The following BRCA1 variants were observed in gnomAD, a reference collection of about 807,000 sequenced individuals.
The protein encoded by BRCA1 is breast cancer type 1 susceptibility protein.
BRCA1 carries 140 observed loss-of-function variants against 173.7 expected under a neutral mutation model. The observed-to-expected ratio is 0.81, with a 90% CI of 0.70 to 0.93. BRCA1 has a LOEUF of 0.93. Ranked by LOEUF, BRCA1 falls within the 40% of genes least tolerant of loss-of-function variation. The probability of loss-of-function intolerance (pLI) is 0.00; values close to 1 mark genes in which losing one functional copy is unlikely to be tolerated. For missense variants in BRCA1, 1,983 were observed against 2,172.5 expected (o/e 0.91, Z 1.73); for synonymous variants, 662 against 756.0 (o/e 0.88, Z 2.04).
At position 43,067,321 on chromosome 17, in the gene BRCA1, C is replaced by T. The variant is rs200571203; in HGVS notation, c.5074+287G>A. The stretch of plus-strand genomic sequence containing the variant: ...CCAGGCTGGAATGCAGTGGCATGAT[C>T]TCGGCTCACTGCAACCTCCATCTCC... On this transcript the variant is annotated intron_variant, in intron 16 of 22. Transcript: ENST00000357654. 1.3e-4 allele frequency: 36 copies of T among 270,628 alleles called. No homozygotes were observed. The East Asian group carries it at 3.4e-3, about 26-fold the overall frequency. The allele number at this position is 270,628 out of a possible 1,614,324, so 16.8% of individuals were successfully genotyped here. A position where few individuals can be genotyped will look rare whatever the true frequency, so the allele number is the denominator to read the frequency against.
intron 1 of BRCA1, among the ~76,000 whole-genome samples, chr17:43,139,374 T>C (rs2056056928): frequency 6.6e-6 from 1 of 152,042 alleles, no homozygotes; most frequent in African/African-American, 2.4e-5. Context: ...TTTTTCTTTT[T>C]TTTTTTTGAG....
chr17:43,064,058 T>C lies in BRCA1; in HGVS notation c.5075-107A>G, dbSNP rs560197308. 241 of 891,258 alleles carry C rather than the reference T, an allele frequency of 2.7e-4. 1 individual carries two copies. The highest frequency in any genetic ancestry group is 1.1e-3 in the Middle Eastern group (5 of 4,626). The allele number at this position is 891,258 out of a possible 1,614,324, so 55.2% of individuals were successfully genotyped here. A position where few individuals can be genotyped will look rare whatever the true frequency, so the allele number is the denominator to read the frequency against. On this transcript the variant is annotated intron_variant, in intron 16 of 22. Transcript: ENST00000357654. ...GTTTTTTACACTCCCAAGATCAATCTGGATTTATGATTCTAAAACCCCTGG... is the reference window on the plus strand; with the variant it reads ...GTTTTTTACACTCCCAAGATCAATCCGGATTTATGATTCTAAAACCCCTGG...
intron 1 of BRCA1, among the ~76,000 whole-genome samples, chr17:43,145,421 G>T (rs1197155262): frequency 6.6e-6 from 1 of 151,276 alleles, no homozygotes; most frequent in Non-Finnish European, 1.5e-5. Flanking sequence ...CCGCCTCCCG[G>T]GTTCACGCCA....
At chr17:43,138,939 G>A (rs1456913441) in intron 1 of BRCA1, 6 of 778,732 alleles carry the variant, frequency 7.7e-6, no homozygotes, top group Non-Finnish European at 1.4e-5. Context: ...TAGCCTGAAA[G>A]CCAGTGGTAC....
At chr17:43,126,179 G>GCGCACT (rs1161191374), upstream of BRCA1, among the ~76,000 whole-genome samples, 1 of 152,226 alleles carries the variant, frequency 6.6e-6, no homozygotes, top group Non-Finnish European at 1.5e-5. Flanking sequence ...GCCCATGTCT[G>GCGCACT]CGCACTCGTA....
chr17:43,129,236 C>T (rs909450430), upstream of BRCA1, among the ~76,000 whole-genome samples: 2 of 152,216 alleles, frequency 1.3e-5, no homozygotes, highest in African/African-American at 4.8e-5. Flanking sequence ...CGTGTTTACA[C>T]ACGTTCAAGA....
intron 3 of BRCA1, among the ~76,000 whole-genome samples, chr17:43,107,133 C>T (rs1372925335): frequency 2.0e-5 from 3 of 147,104 alleles, no homozygotes; most frequent in Non-Finnish European, 4.4e-5. Flanking sequence ...GGCACGATCT[C>T]GGCTCACTGC....
At chr17:43,127,389 G>A (rs1008783178), upstream of BRCA1, among the ~76,000 whole-genome samples, 8 of 152,178 alleles carry the variant, frequency 5.3e-5, no homozygotes, top group Admixed American at 1.3e-4. Context: ...CTAATCTGGT[G>A]GGCACTTGGA....
At chr17:43,070,375 C>T (rs1178951003) in intron 15 of BRCA1, among the ~76,000 whole-genome samples, 1 of 152,088 alleles carries the variant, frequency 6.6e-6, no homozygotes, top group Non-Finnish European at 1.5e-5. Context: ...TATTTTTCCA[C>T]AGTATGAAGC....
intron 12 of BRCA1, among the ~76,000 whole-genome samples, chr17:43,080,201 A>G (rs1488452653): frequency 6.6e-6 from 1 of 152,204 alleles, no homozygotes; most frequent in Non-Finnish European, 1.5e-5. Context: ...ACATTTAATA[A>G]ACTTACAGAC....
intron 15 of BRCA1, among the ~76,000 whole-genome samples, chr17:43,069,497 A>T (rs930305799): frequency 6.6e-6 from 1 of 152,230 alleles, no homozygotes; most frequent in Admixed American, 6.5e-5. Flanking sequence ...AAAAAGCTGA[A>T]CTTGCAAAAC....
At chr17:43,112,094 CTT>C (rs879578679) in intron 3 of BRCA1, among the ~76,000 whole-genome samples, 3 of 144,404 alleles carry the variant, frequency 2.1e-5, no homozygotes, top group African/African-American at 5.0e-5. Context: ...TTATACTGGA[CTT>C]TTTTTTTTTT....
chr17:43,109,705 A>G (rs1437415516), intron 3 of BRCA1, among the ~76,000 whole-genome samples: 1 of 152,132 alleles, frequency 6.6e-6, no homozygotes, highest in Non-Finnish European at 1.5e-5. Context: ...GAAGGCATCA[A>G]GCATTACTCC....
chr17:43,127,036 C>T (rs373483619), upstream of BRCA1, among the ~76,000 whole-genome samples: 31 of 152,332 alleles, frequency 2.0e-4, no homozygotes, highest in South Asian at 4.6e-3. Context: ...GAATTCTCAC[C>T]GGGCCCCAGC....
Position 43,095,439 on chromosome 17 carries a change from G to A in BRCA1, c.670+407C>T, listed in dbSNP as rs1295314141. On this transcript the variant is annotated intron_variant, in intron 9 of 22. Transcript: ENST00000357654. ...TCTATAAAACCACAAAAAATTAACC[G>A]GGTGTGGTGGCATGCGCCTGTAGTC... Among the ~76,000 whole-genome samples, 4 of 152,006 alleles carry A rather than the reference G, an allele frequency of 2.6e-5. No individual in the cohort carries two copies. The East Asian group carries it at 5.8e-4, about 22-fold the overall frequency.
Position 43,093,728 on chromosome 17 carries a change from G to A in BRCA1, c.1803C>T (p.His601=), listed in dbSNP as rs1057523373. 1 of 1,613,894 alleles carries A rather than the reference G, an allele frequency of 6.2e-7. No individual in the cohort carries two copies. Among genetic ancestry groups the A allele is most frequent in the Admixed American group, 1.7e-5 (1 of 59,986 alleles). Residue 601 remains histidine, a synonymous_variant, in exon 10 of 23, where the codon CAC becomes CAT. Coordinates refer to ENST00000357654, the MANE Select transcript of BRCA1 (RefSeq NM_007294.4). ...ISNMELELNI[H]NSKAPKKNRL... ...TATTCTTTTTAGGTGCTTTTGAATT[G>A]TGGATATTTAATTCGAGTTCCATAT...
intron 1 of BRCA1, among the ~76,000 whole-genome samples, chr17:43,154,338 A>G (rs940457060): frequency 4.0e-5 from 6 of 151,656 alleles, no homozygotes; most frequent in South Asian, 2.1e-4. Context: ...ACAAAAACTA[A>G]CTGGGCATGG....
intron 1 of BRCA1, among the ~76,000 whole-genome samples, chr17:43,143,034 G>GTATATATATGTATATATGTGTA (rs1302283251): frequency 6.7e-6 from 1 of 149,076 alleles, no homozygotes; most frequent in Non-Finnish European, 1.5e-5. Flanking sequence ...ATATATGTGT[G>GTATATATATGTATATATGTGTA]TATATATATG....
At chr17:43,148,151 G>GT (rs2056135529) in intron 1 of BRCA1, among the ~76,000 whole-genome samples, 1 of 152,214 alleles carries the variant, frequency 6.6e-6, no homozygotes. Flanking sequence ...TGCCAGACTA[G>GT]TGGTGGCGCA....
Sources: allele counts gnomAD v4.1 joint callset (sites outside exome capture counted in the v4.1 genomes callset), GRCh38; gene constraint gnomAD v4.1.1; transcripts MANE v1.5; gene names NCBI Gene and HGNC (gene_info 2026-07-23, HGNC 2026-07-21).